MYH14: variants seen among roughly 807,000 people sequenced by gnomAD.
MYH14 encodes myosin-14.
Under a neutral mutation model 255.5 loss-of-function variants are expected in MYH14, and 123 were observed. The ratio of observed to expected loss-of-function variants is 0.48; its 90% CI spans 0.42 to 0.56. The LOEUF is 0.56. MYH14 is among the 20% of genes least tolerant of loss of function. MYH14 has a pLI of 0.00. For synonymous variants in MYH14, 1,095 were observed against 1,161.2 expected, an observed-to-expected ratio of 0.94 and a Z score of 1.16; for missense variants, 2,423 against 2,802.3, an observed-to-expected ratio of 0.86 and a Z score of 3.06.
chr19:50,249,582 T>C, intron 13 of MYH14, 68 bp from the exon 14 acceptor site: 2 of 1,599,412 alleles, frequency 1.3e-6, no homozygotes, highest in East Asian at 4.5e-5. Flanking sequence ...TCTCTGGGTC[T>C]CTGTCCCCTG....
At position 50,301,853 on chromosome 19, in the gene MYH14, C is replaced by G; in HGVS notation, c.5662C>G (p.Leu1888Val). 2 of 1,612,330 alleles carry G rather than the reference C, an allele frequency of 1.2e-6. No homozygotes were observed. The highest frequency in any genetic ancestry group is 2.2e-5 in the South Asian group (2 of 90,822). The change falls in exon 40 of 43, where the codon CTA (leucine) becomes GTA (valine). Residue 1888 changes from leucine to valine, a missense_variant. Around this residue, in one of 3 missense-constraint regions of MYH14, gnomAD observed 1,513 missense variants for 1,674.8 expected, o/e 0.90. Transcript: ENST00000642316. ...ESKLAQAEEQ[L>V]EQETRERILS... ...TAAGTTGGCCCAGGCTGAGGAGCAG[C>G]TAGAGCAAGAGACCAGGTAGGTGAG...
Position 50,286,707 on chromosome 19 carries a change from C to T in MYH14, c.4752+13C>T. The T allele has an allele frequency of 6.4e-7, 1 of 1,558,982 alleles. No individual in the cohort carries two copies. Among genetic ancestry groups the T allele is most frequent in the Non-Finnish European group, 8.7e-7 (1 of 1,152,502 alleles). ...CGTCGGCAAGAGCGTGAGCAGGGCCCCCGCTCCCCGGGACACACTGGGTGA... is the reference window on the plus strand; with the variant it reads ...CGTCGGCAAGAGCGTGAGCAGGGCCTCCGCTCCCCGGGACACACTGGGTGA... On this transcript the variant is annotated intron_variant, in intron 34 of 42. Coordinates refer to ENST00000642316, the MANE Select transcript of MYH14 (RefSeq NM_001145809.2).
chr19:50,238,211 C>T lies in MYH14; in HGVS notation c.1115-6031C>T, dbSNP rs372400943. Among the ~76,000 whole-genome samples, 75 of 152,266 alleles carry T rather than the reference C, an allele frequency of 4.9e-4. 1 individual carries two copies. The South Asian group carries it at 0.014, about 29-fold the overall frequency. ...GCAGGCTGGGCTTGCTAGTGATGGG[C>T]GAGTCTGATGTCAGCAACAAGAGCT... On this transcript the variant is annotated intron_variant, in intron 10 of 42. Transcript: ENST00000642316.
At chr19:50,273,185 G>A (rs2035374716) in intron 27 of MYH14, among the ~76,000 whole-genome samples, 1 of 150,122 alleles carries the variant, frequency 6.7e-6, no homozygotes, top group Non-Finnish European at 1.5e-5. Context: ...CAGCTACTCA[G>A]GAGACTTAAG....
At chr19:50,309,537 CTA>C in intron 42 of MYH14, 101 bp from the exon 43 acceptor site, 6 of 805,660 alleles carry the variant, frequency 7.4e-6, no homozygotes, top group South Asian at 1.6e-5. Flanking sequence ...CTCTCTCTTC[CTA>C]TCTCTCTCTC....
intron 6 of MYH14, 51 bp downstream of exon 6, chr19:50,224,228 GCCAC>G: frequency 6.2e-7 from 1 of 1,612,918 alleles, no homozygotes; most frequent in East Asian, 2.2e-5. Context: ...TGCCTTCCCG[GCCAC>G]CCAATGCATG....
Position 50,268,227 on chromosome 19 carries a change from G to T in MYH14, c.2893G>T (p.Glu965Ter). The T allele has an allele frequency of 1.3e-6, 2 of 1,562,568 alleles. No individual in the cohort carries two copies. Among genetic ancestry groups the T allele is most frequent in the Non-Finnish European group, 1.7e-6 (2 of 1,154,408 alleles). ...AGAGGCAGAACTGTGTGCAGAGGCC[G>T]AGGAGACGCGGGGGAGGCTGGCAGC... ...RAEAELCAEA[E>*]ETRGRLAARK... The change falls in exon 24 of 43, where the codon GAG (glutamate) becomes TAG (stop). Residue 965 changes from glutamate (E) to a stop codon, truncating the protein, a stop_gained. Coordinates refer to ENST00000642316, the MANE Select transcript of MYH14 (RefSeq NM_001145809.2). LOFTEE classifies it high-confidence loss of function.
chr19:50,207,271 C>CAGACAGAG, intron 1 of MYH14, among the ~76,000 whole-genome samples: 1 of 76,834 alleles, frequency 1.3e-5, no homozygotes, highest in African/African-American at 5.1e-5. Context: ...GAGAGAGAGA[C>CAGACAGAG]AGAGAGAGAG....
chr19:50,254,450 A>G (rs1226844970), intron 16 of MYH14, among the ~76,000 whole-genome samples: 1 of 152,172 alleles, frequency 6.6e-6, no homozygotes, highest in Non-Finnish European at 1.5e-5. Context: ...CCCGGCTGAA[A>G]ATCTGCTGCC....
intron 1 of MYH14, among the ~76,000 whole-genome samples, chr19:50,206,089 G>C (rs2031732260): frequency 1.3e-5 from 2 of 152,150 alleles, no homozygotes; most frequent in South Asian, 4.1e-4. Context: ...CGGCCACTTG[G>C]AGCCAAGGCC....
intron 24 of MYH14, among the ~76,000 whole-genome samples, chr19:50,269,634 A>C (rs2035222198): frequency 6.6e-6 from 1 of 152,216 alleles, no homozygotes; most frequent in South Asian, 2.1e-4. Context: ...TGTTGCCCTC[A>C]AGAGCAGAGT....
intron 40 of MYH14, among the ~76,000 whole-genome samples, chr19:50,306,637 T>C (rs2036662725): frequency 6.6e-6 from 1 of 152,230 alleles, no homozygotes; most frequent in Admixed American, 6.5e-5. Context: ...GTCAGATGGT[T>C]GAGGCTTAAG....
rs1568514697 is a variant in MYH14, at chr19:50,263,432, CTGGGGAGGT to C, written c.2694+13_2694+21del. Reference sequence around the variant, plus strand: ...GGCTGTTTACCAAGGTGAGGGCAGCCTGGGGAGGTGGCCCCAGTAGGGAGAGGATAGGGC... The same window carrying C: ...GGCTGTTTACCAAGGTGAGGGCAGCCGGCCCCAGTAGGGAGAGGATAGGGC... On this transcript the variant is annotated intron_variant, in intron 22 of 42. Transcript: ENST00000642316. 12 of 1,578,760 alleles carry C rather than the reference CTGGGGAGGT, an allele frequency of 7.6e-6. No homozygotes were observed. In the South Asian group the frequency reaches 1.3e-4, roughly 17 times the overall value.
At chr19:50,209,880 CTG>C (rs1239922935) in intron 1 of MYH14, among the ~76,000 whole-genome samples, 1 of 151,266 alleles carries the variant, frequency 6.6e-6, no homozygotes, top group African/African-American at 2.4e-5. Flanking sequence ...GGCAGATCAC[CTG>C]AGGTCAGGAG....
At chr19:50,304,685 G>A (rs373622789) in intron 40 of MYH14, among the ~76,000 whole-genome samples, 5 of 152,322 alleles carry the variant, frequency 3.3e-5, no homozygotes, top group African/African-American at 1.2e-4. Flanking sequence ...TCCATGGTAT[G>A]TCTAATACCA....
Position 50,252,803 on chromosome 19 carries a change from C to T in MYH14, c.1945+50C>T, listed in dbSNP as rs2123319461. The T allele has an allele frequency of 7.4e-7, 1 of 1,344,784 alleles. No homozygotes were observed. The highest frequency in any genetic ancestry group is 1.3e-5 in the South Asian group (1 of 78,892). 83.3% of individuals were successfully genotyped at this position (1,344,784 alleles called of 1,614,324 possible). ...GGCTCTAGGGGTCTGTGCGGCCATTCTCCAAATCCACAGCGTGAGCACCTT... is the reference window on the plus strand; with the variant it reads ...GGCTCTAGGGGTCTGTGCGGCCATTTTCCAAATCCACAGCGTGAGCACCTT... On this transcript the variant is annotated intron_variant, in intron 16 of 42. Coordinates refer to ENST00000642316, the MANE Select transcript of MYH14 (RefSeq NM_001145809.2). The surrounding 1 kb of genome is among the most constrained non-coding windows in gnomAD (Gnocchi z 4.2).
At chr19:50,284,431 A>T (rs560284863) in intron 33 of MYH14, among the ~76,000 whole-genome samples, 1 of 152,142 alleles carries the variant, frequency 6.6e-6, no homozygotes, top group South Asian at 2.1e-4. Context: ...CAGTGGCATG[A>T]TCTTGGCTTA....
chr19:50,208,522 G>T (rs893328934), intron 1 of MYH14, among the ~76,000 whole-genome samples: 1 of 151,980 alleles, frequency 6.6e-6, no homozygotes, highest in Non-Finnish European at 1.5e-5. Context: ...AAAAGAGAGA[G>T]AGAATTTTTA....
intron 1 of MYH14, among the ~76,000 whole-genome samples, chr19:50,209,493 G>A (rs1420052644): frequency 6.6e-6 from 1 of 151,616 alleles, no homozygotes; most frequent in Non-Finnish European, 1.5e-5. Context: ...TACAAAAATT[G>A]AAAATAATTG....
Sources: gnomAD v4.1 joint callset for allele counts (sites outside exome capture counted in the v4.1 genomes callset) on GRCh38, gnomAD v4.1.1 for gene constraint, gnomAD v4.1.1 regional missense constraint, Gnocchi (gnomAD v3.1) non-coding constraint, MANE v1.5 for transcripts, NCBI Gene and HGNC (gene_info 2026-07-23, HGNC 2026-07-21) for gene names.